The following PCDH9 variants were observed in gnomAD, a reference collection of about 807,000 sequenced individuals.
PCDH9 encodes the protein protocadherin-9.
PCDH9 carries 24 observed loss-of-function variants against 70.6 expected under a neutral mutation model. That is an observed-to-expected ratio of 0.34 (90% CI 0.25 to 0.48). The LOEUF (loss-of-function observed/expected upper bound fraction) is 0.48. PCDH9 is among the 20% of genes least tolerant of loss of function. The probability of loss-of-function intolerance (pLI) is 0.99; values close to 1 mark genes in which losing one functional copy is unlikely to be tolerated. For synonymous variants in PCDH9, 562 were observed against 558.5 expected, an observed-to-expected ratio of 1.01 and a Z score of -0.09; for missense variants, 1,281 against 1,503.6, an observed-to-expected ratio of 0.85 and a Z score of 2.45.
intron 2 of PCDH9, among the ~76,000 whole-genome samples, chr13:66,938,406 G>A (rs540565268): frequency 1.1e-4 from 16 of 152,322 alleles, no homozygotes; most frequent in Admixed American, 2.0e-4. Flanking sequence ...TAATTTAGCT[G>A]TAGTTTTTCA....
chr13:66,630,648 A>T (rs2077557829), intron 4 of PCDH9: 1 of 152,190 alleles, frequency 6.6e-6, no homozygotes, highest in Non-Finnish European at 1.5e-5. Context: ...AATAAAGGAA[A>T]AACAACCCCC....
chr13:66,861,591 T>G (rs1162499502), intron 3 of PCDH9, among the ~76,000 whole-genome samples: 1 of 152,146 alleles, frequency 6.6e-6, no homozygotes, highest in Non-Finnish European at 1.5e-5. Context: ...TTTAATAGAT[T>G]TCATATTTAA....
At chr13:66,403,095 C>A (rs1251367925) in intron 4 of PCDH9, among the ~76,000 whole-genome samples, 3 of 149,210 alleles carry the variant, frequency 2.0e-5, no homozygotes, top group Non-Finnish European at 1.5e-5. Context: ...AAGGAACTGT[C>A]AAAAAAAAAG....
intron 2 of PCDH9, among the ~76,000 whole-genome samples, chr13:66,953,724 T>C (rs2083222231): frequency 6.6e-6 from 1 of 152,160 alleles, no homozygotes; most frequent in African/African-American, 2.4e-5. Context: ...AAACCCAGCA[T>C]GTGGTATATG....
intron 4 of PCDH9, among the ~76,000 whole-genome samples, chr13:66,375,271 T>C (rs1956728198): frequency 6.6e-6 from 1 of 152,104 alleles, no homozygotes; most frequent in Non-Finnish European, 1.5e-5. Flanking sequence ...CCACATGTCA[T>C]CTGTAATTAG....
intron 3 of PCDH9, among the ~76,000 whole-genome samples, chr13:66,705,298 G>A (rs539397316): frequency 6.6e-6 from 1 of 152,268 alleles, no homozygotes; most frequent in Admixed American, 6.5e-5. Context: ...ATAAACTGCT[G>A]CTATTGTCAT....
intron 4 of PCDH9, among the ~76,000 whole-genome samples, chr13:66,405,810 G>A (rs1957270858): frequency 1.3e-5 from 2 of 152,222 alleles, no homozygotes; most frequent in South Asian, 2.1e-4. Context: ...GTATGTCTTG[G>A]CCTCTCCAGG....
intron 4 of PCDH9, among the ~76,000 whole-genome samples, chr13:66,612,489 A>G (rs984075686): frequency 1.6e-4 from 25 of 152,232 alleles, no homozygotes; most frequent in African/African-American, 5.8e-4. Context: ...TATAAATTGT[A>G]AAGTTGCCAG....
chr13:66,913,734 A>G (rs2082510488), intron 2 of PCDH9, among the ~76,000 whole-genome samples: 1 of 152,086 alleles, frequency 6.6e-6, no homozygotes, highest in African/African-American at 2.4e-5. Flanking sequence ...ATGTAAATAA[A>G]TGATTAGTTG....
chr13:67,069,467 A>C (rs2085715599), intron 2 of PCDH9, among the ~76,000 whole-genome samples: 1 of 152,196 alleles, frequency 6.6e-6, no homozygotes, highest in Non-Finnish European at 1.5e-5. Context: ...TTTTAATGTA[A>C]TAATCTACTA....
chr13:66,486,452 GT>G (rs1210312797), intron 4 of PCDH9, among the ~76,000 whole-genome samples: 1 of 35,350 alleles, frequency 2.8e-5, no homozygotes. Flanking sequence ...GCTAGACCCT[GT>G]CCCCCCCCCA....
At chr13:66,459,732 A>C (rs1402988858) in intron 4 of PCDH9, among the ~76,000 whole-genome samples, 1 of 152,006 alleles carries the variant, frequency 6.6e-6, no homozygotes, top group Non-Finnish European at 1.5e-5. Flanking sequence ...GCATGCTTTA[A>C]GCTATGCATT....
chr13:66,697,423 G>A (rs974971130), intron 3 of PCDH9, among the ~76,000 whole-genome samples: 19 of 152,028 alleles, frequency 1.2e-4, no homozygotes, highest in Admixed American at 6.6e-5. Context: ...AATGTCTAAT[G>A]GCTGGGGCAT....
intron 2 of PCDH9, among the ~76,000 whole-genome samples, chr13:67,026,767 A>T (rs2084790918): frequency 6.6e-6 from 1 of 151,904 alleles, no homozygotes; most frequent in Admixed American, 6.6e-5. Flanking sequence ...TTATACACCA[A>T]CAACAGACAA....
chr13:66,480,041 G>A lies in PCDH9; in HGVS notation c.3340+151169C>T, dbSNP rs570643151. 2.6e-5 allele frequency among the ~76,000 whole-genome samples: 4 copies of A among 152,260 alleles called. No individual in the cohort carries two copies. In the East Asian group the frequency reaches 5.8e-4, roughly 22 times the overall value. On this transcript the variant is annotated intron_variant, in intron 4 of 4. Transcript: ENST00000377865. ...ATTTAAGAGCTGAAACACTCGCCAC[G>A]AAGGTCCACAGCTTCATTCTTGAAG...
At chr13:66,863,677 G>A (rs2139485712) in intron 3 of PCDH9, among the ~76,000 whole-genome samples, 1 of 152,002 alleles carries the variant, frequency 6.6e-6, no homozygotes, top group African/African-American at 2.4e-5. Context: ...TAGTAGAGAC[G>A]GGGTTTCACC....
chr13:66,474,269 C>T (rs1205252372), intron 4 of PCDH9, among the ~76,000 whole-genome samples: 5 of 152,036 alleles, frequency 3.3e-5, no homozygotes, highest in African/African-American at 1.2e-4. Flanking sequence ...AGACTGTCTC[C>T]GATTAATAAG....
chr13:66,733,174 T>A (rs555506871), intron 3 of PCDH9, among the ~76,000 whole-genome samples: 2 of 152,192 alleles, frequency 1.3e-5, no homozygotes, highest in Admixed American at 1.3e-4. Flanking sequence ...CCTCTGCATA[T>A]AATTTTATAA....
chr13:67,178,528 T>C (rs1424844282), intron 2 of PCDH9, among the ~76,000 whole-genome samples: 3 of 152,114 alleles, frequency 2.0e-5, no homozygotes, highest in Non-Finnish European at 2.9e-5. Flanking sequence ...TACATTTTCT[T>C]AGTTTATAAT....
Sources: allele counts gnomAD v4.1 joint callset (sites outside exome capture counted in the v4.1 genomes callset), GRCh38; gene constraint gnomAD v4.1.1; transcripts MANE v1.5; gene names NCBI Gene and HGNC (gene_info 2026-07-23, HGNC 2026-07-21).